SEC24D: variants seen among roughly 807,000 people sequenced by gnomAD.
SEC24D encodes the protein protein transport protein Sec24D.
Under a neutral mutation model 116.9 loss-of-function variants are expected in SEC24D, and 69 were observed. The ratio of observed to expected loss-of-function variants is 0.59; its 90% CI spans 0.49 to 0.72. The LOEUF is 0.72. SEC24D is among the 30% of genes least tolerant of loss of function. SEC24D has a pLI of 0.00. For synonymous variants in SEC24D, 405 were observed against 442.8 expected (o/e 0.91, Z 1.07); for missense variants, 1,131 against 1,264.1 (o/e 0.89, Z 1.60).
Position 118,755,567 on chromosome 4 carries a change from C to T in SEC24D, c.1421+2154G>A, listed in dbSNP as rs572390623. ...TTCCAGAGAAGTCAGAAAAGTCTGG[C>T]GACCTTGAGAGGCCAAAGGTATAAA... On this transcript the variant is annotated intron_variant, in intron 11 of 22. Transcript: ENST00000280551. Among the ~76,000 whole-genome samples, 4 of 151,352 alleles carry T rather than the reference C, an allele frequency of 2.6e-5. No individual in the cohort carries two copies. In the East Asian group the frequency reaches 7.7e-4, roughly 29 times the overall value.
Position 118,815,130 on chromosome 4 carries a change from G to A in SEC24D, c.699C>T (p.Gly233=), listed in dbSNP as rs756874942. 41 of 1,614,104 alleles carry A rather than the reference G, an allele frequency of 2.5e-5. 1 individual carries two copies. The Admixed American group carries it at 3.8e-4, about 15-fold the overall frequency. The change falls in exon 6 of 23, where the codon GGC becomes GGT. Residue 233 remains glycine, a synonymous_variant. Coordinates refer to ENST00000280551, the MANE Select transcript of SEC24D (RefSeq NM_014822.4). ...AGCCTCCTGGGTAAGACAGTTGTGC[G>A]CCTGCCATCTGGGGACCAGAGTTGG... ...QQANSGPQMA[G]AQLSYPGGFP... is the part of the protein sequence containing the mutation.
chr4:118,723,646 C>G lies in SEC24D; in HGVS notation c.2968G>C (p.Val990Leu). 6.2e-7 allele frequency: 1 copy of G among 1,600,952 alleles called. No individual in the cohort carries two copies. The highest frequency in any genetic ancestry group is 8.5e-7 in the Non-Finnish European group (1 of 1,176,272). The change falls in exon 23 of 23, where the codon GTA becomes CTA. Residue 990 changes from valine to leucine, a missense_variant. Physicochemically the swap from Val to Leu is conservative, Grantham distance 32. Transcript: ENST00000280551. ...KRPYSMKLTI[V>L]KQREQPEMVF... ...ATTTCTGGTTGTTCTCGCTGCTTTA[C>G]AATTGTGAGCTAGGAAAAAAAAAAC...
chr4:118,820,513 A>C (rs958474412), intron 3 of SEC24D, among the ~76,000 whole-genome samples: 1 of 152,170 alleles, frequency 6.6e-6, no homozygotes, highest in African/African-American at 2.4e-5. Flanking sequence ...ATTGAAAGTC[A>C]CATAGCATGT....
intron 9 of SEC24D, among the ~76,000 whole-genome samples, chr4:118,766,360 G>T (rs1016440329): frequency 1.2e-4 from 18 of 152,136 alleles, no homozygotes; most frequent in Admixed American, 4.6e-4. Flanking sequence ...AAGCAAGCCT[G>T]CTGGGTTCTT....
At chr4:118,806,381 G>C (rs1048114886) in intron 6 of SEC24D, among the ~76,000 whole-genome samples, 1 of 151,502 alleles carries the variant, frequency 6.6e-6, no homozygotes, top group East Asian at 1.9e-4. Context: ...TGTCACCAAG[G>C]CTGGAGTGCT....
chr4:118,757,755 C>T lies in SEC24D; in HGVS notation c.1387G>A (p.Glu463Lys), dbSNP rs1435899888. 6.2e-7 allele frequency: 1 copy of T among 1,609,874 alleles called. No individual in the cohort carries two copies. Among genetic ancestry groups the T allele is most frequent in the East Asian group, 2.2e-5 (1 of 44,716 alleles). The change falls in exon 11 of 23, where the codon GAA becomes AAA. Residue 463 changes from glutamate (E) to lysine (K), a missense_variant. Glu to Lys is a moderately conservative substitution (Grantham distance 56). Transcript: ENST00000280551. ...TTTTCCAGCATGGTCTTCAGTTCTTCACATATGAGCTTGACAAGTCCATTC... is the reference window on the plus strand; with the variant it reads ...TTTTCCAGCATGGTCTTCAGTTCTTTACATATGAGCTTGACAAGTCCATTC... ...IKNGLVKLIC[E>K]ELKTMLEKIP...
In SEC24D at chr4:118,833,426, C is replaced by A. The variant is rs2303511; in HGVS notation, c.118+153G>T. 497 of 600,800 alleles carry A rather than the reference C, an allele frequency of 8.3e-4. 2 individuals are homozygous for A. In the African/African-American group the frequency reaches 8.4e-3, roughly 10 times the overall value. 37.2% of individuals were successfully genotyped at this position (600,800 alleles called of 1,614,324 possible). ...ACCAAACTAGTGATGTAGAGTTCTG[C>A]TATGAGAGCCTTTTCCAAATGATCC... On this transcript the variant is annotated intron_variant, in intron 2 of 22. Transcript: ENST00000280551.
At chr4:118,792,938 A>C (rs1021426396) in intron 8 of SEC24D, among the ~76,000 whole-genome samples, 1 of 152,226 alleles carries the variant, frequency 6.6e-6, no homozygotes, top group Non-Finnish European at 1.5e-5. Context: ...GCTTTTTATA[A>C]ATTTTGACTG....
In SEC24D at chr4:118,824,722, C is replaced by T. The variant is rs1730528165; in HGVS notation, c.146G>A (p.Gly49Glu). Residue 49 changes from glycine (G) to glutamate (E), a missense_variant, in exon 3 of 23, where the codon GGG becomes GAG. Transcript: ENST00000280551. The part of the protein sequence containing the change: ...TGMMKPAGPL[G>E]ATATRGMLPP... ...CAACATTCCCCTAGTGGCGGTGGCCCCCAAAGGCCCTGCTGGCTTCATCAT... is the reference window on the plus strand; with the variant it reads ...CAACATTCCCCTAGTGGCGGTGGCCTCCAAAGGCCCTGCTGGCTTCATCAT... 2 of 1,604,606 alleles carry T rather than the reference C, an allele frequency of 1.2e-6. No homozygotes were observed. Among genetic ancestry groups the T allele is most frequent in the Admixed American group, 1.7e-5 (1 of 57,734 alleles).
At position 118,815,107 on chromosome 4, in the gene SEC24D, C is replaced by A. The variant is rs1730083690; in HGVS notation, c.722G>T (p.Gly241Val). 6 of 1,614,066 alleles carry A rather than the reference C, an allele frequency of 3.7e-6. No individual in the cohort carries two copies. In the African/African-American group the frequency reaches 5.3e-5, roughly 14 times the overall value. Residue 241 changes from glycine to valine, a missense_variant, in exon 6 of 23, where the codon GGC becomes GTC. Coordinates refer to ENST00000280551, the MANE Select transcript of SEC24D (RefSeq NM_014822.4). The part of the protein sequence containing the change: ...MAGAQLSYPG[G>V]FPGGPAQMAG... ...CATCTGTGCAGGACCTCCAGGGAAG[C>A]CTCCTGGGTAAGACAGTTGTGCGCC...
chr4:118,810,700 G>C (rs896882010), intron 6 of SEC24D, among the ~76,000 whole-genome samples: 1 of 152,138 alleles, frequency 6.6e-6, no homozygotes, highest in Non-Finnish European at 1.5e-5. Context: ...TTTTTAATAA[G>C]CTCCCAGATG....
At chr4:118,805,061 G>GT (rs148353977) in intron 7 of SEC24D, among the ~76,000 whole-genome samples, 2,016 of 152,208 alleles carry the variant, frequency 0.013, 43 homozygotes, top group African/African-American at 0.046. Context: ...CACTTGGGCA[G>GT]TAAGGAGTGG....
chr4:118,814,822 C>T (rs1214112162), intron 6 of SEC24D, among the ~76,000 whole-genome samples: 1 of 152,152 alleles, frequency 6.6e-6, no homozygotes, highest in Non-Finnish European at 1.5e-5. Context: ...ACAGGCTGCT[C>T]TTTCATGGAG....
intron 21 of SEC24D, chr4:118,729,755 T>C (rs34508500): frequency 0.29 from 43,649 of 152,076 alleles, 7,179 homozygotes; most frequent in Non-Finnish European, 0.37. Context: ...TCACTGTGAG[T>C]TGGCCAGAGA....
intron 8 of SEC24D, among the ~76,000 whole-genome samples, chr4:118,788,059 T>C (rs754686177): frequency 1.3e-5 from 2 of 152,202 alleles, no homozygotes; most frequent in South Asian, 2.1e-4. Context: ...CCTCAAGTGA[T>C]TCTCTGACCT....
chr4:118,789,702 A>G (rs1270872270), intron 8 of SEC24D, among the ~76,000 whole-genome samples: 1 of 152,182 alleles, frequency 6.6e-6, no homozygotes, highest in Non-Finnish European at 1.5e-5. Context: ...CTCCTGCCTC[A>G]GCCTCCCGAG....
chr4:118,821,834 A>C (rs1325010041), intron 3 of SEC24D, among the ~76,000 whole-genome samples: 1 of 152,242 alleles, frequency 6.6e-6, no homozygotes, highest in Non-Finnish European at 1.5e-5. Flanking sequence ...CATGAGGGCA[A>C]GGCAGCATGG....
At chr4:118,773,926 A>C (rs1428577592) in intron 8 of SEC24D, among the ~76,000 whole-genome samples, 1 of 152,174 alleles carries the variant, frequency 6.6e-6, no homozygotes. Flanking sequence ...AGAATTTTTT[A>C]AATACATGTG....
chr4:118,730,006 T>C (rs1211712198), intron 21 of SEC24D: 1 of 152,216 alleles, frequency 6.6e-6, no homozygotes, highest in East Asian at 1.9e-4. Context: ...TACATTTGGT[T>C]TTTAACTTTG....
Sources: gnomAD v4.1 joint callset for allele counts (sites outside exome capture counted in the v4.1 genomes callset) on GRCh38, gnomAD v4.1.1 for gene constraint, MANE v1.5 for transcripts, NCBI Gene and HGNC (gene_info 2026-07-23, HGNC 2026-07-21) for gene names.